The following MFHAS1 variants were observed in gnomAD, a reference collection of about 807,000 sequenced individuals.
The protein encoded by MFHAS1 is malignant fibrous histiocytoma-amplified sequence 1.
MFHAS1 carries 50 observed loss-of-function variants against 70.4 expected under a neutral mutation model. The observed-to-expected ratio is 0.71, with a 90% CI of 0.57 to 0.90. MFHAS1 has a LOEUF of 0.90. Ranked by LOEUF, MFHAS1 falls within the 40% of genes least tolerant of loss-of-function variation. MFHAS1 has a pLI of 0.00. For synonymous variants in MFHAS1, 952 were observed against 620.0 expected (o/e 1.54, Z -7.96); for missense variants, 1,795 against 1,347.6 (o/e 1.33, Z -5.20).
intron 1 of MFHAS1, among the ~76,000 whole-genome samples, chr8:8,843,217 C>A (rs1807903408): frequency 6.6e-6 from 1 of 150,492 alleles, no homozygotes; most frequent in Non-Finnish European, 1.5e-5. Context: ...TGCAGTGAGC[C>A]GAGATTGCGC....
chr8:8,878,098 G>A (rs567659783), intron 1 of MFHAS1, among the ~76,000 whole-genome samples: 17 of 152,208 alleles, frequency 1.1e-4, no homozygotes, highest in African/African-American at 2.9e-4. Context: ...ACCCCTGATG[G>A]CGCTCTCCCC....
chr8:8,852,441 C>T (rs985268699), intron 1 of MFHAS1, among the ~76,000 whole-genome samples: 2 of 151,532 alleles, frequency 1.3e-5, no homozygotes, highest in Admixed American at 6.6e-5. Context: ...GCCACTCCAG[C>T]GTAAGCAACA....
rs543364016 is a variant in MFHAS1 at position 8,888,571 on chromosome 8, G to A, written c.2998+1490C>T. On this transcript the variant is annotated intron_variant, in intron 1 of 2. Coordinates refer to ENST00000276282, the MANE Select transcript of MFHAS1 (RefSeq NM_004225.3). ...AGTTGTTTAAAGAACTACAAAGGAT[G>A]AGGAAATGGACACGTTCCCAACTAA... 3.9e-5 allele frequency among the ~76,000 whole-genome samples: 6 copies of A among 152,234 alleles called. No individual in the cohort carries two copies. In the East Asian group the frequency reaches 1.2e-3, roughly 29 times the overall value.
At position 8,879,860 on chromosome 8, in the gene MFHAS1, A is replaced by T. The variant is rs527368491; in HGVS notation, c.2998+10201T>A. 5.9e-5 allele frequency among the ~76,000 whole-genome samples: 9 copies of T among 152,314 alleles called. No individual in the cohort carries two copies. The East Asian group carries it at 1.5e-3, about 26-fold the overall frequency. ...ATTGACGACACTTATCTAATCTGGT[A>T]ATCATCTACATTTGTATCACTGCCA... is the stretch of plus-strand genomic sequence containing the variant. On this transcript the variant is annotated intron_variant, in intron 1 of 2. Coordinates refer to ENST00000276282, the MANE Select transcript of MFHAS1 (RefSeq NM_004225.3).
chr8:8,858,253 G>A (rs781393606), intron 1 of MFHAS1, among the ~76,000 whole-genome samples: 1 of 152,072 alleles, frequency 6.6e-6, no homozygotes, highest in Non-Finnish European at 1.5e-5. Flanking sequence ...ATTTTTATAT[G>A]CATTATTTTA....
At chr8:8,786,935 G>GCAAAACAAAA (rs368135873) in intron 2 of MFHAS1, among the ~76,000 whole-genome samples, 1 of 151,620 alleles carries the variant, frequency 6.6e-6, no homozygotes, top group African/African-American at 2.4e-5. Context: ...GCAAAGCAAA[G>GCAAAACAAAA]CAAAACAAAA....
chr8:8,813,748 G>A (rs890459605), intron 1 of MFHAS1, among the ~76,000 whole-genome samples: 19 of 152,072 alleles, frequency 1.2e-4, no homozygotes, highest in Non-Finnish European at 1.5e-4. Context: ...GTAAGCTAAG[G>A]TTAATTTACT....
At chr8:8,855,425 A>G (rs1231512161) in intron 1 of MFHAS1, among the ~76,000 whole-genome samples, 1 of 152,264 alleles carries the variant, frequency 6.6e-6, no homozygotes, top group East Asian at 1.9e-4. Context: ...TTTCAAGAAC[A>G]CAGGGAAGGA....
At chr8:8,876,175 C>G (rs1430606992) in intron 1 of MFHAS1, among the ~76,000 whole-genome samples, 1 of 152,128 alleles carries the variant, frequency 6.6e-6, no homozygotes, top group African/African-American at 2.4e-5. Context: ...AGTCACATAA[C>G]TAAGAAGCAG....
chr8:8,873,025 C>G (rs2116913047), intron 1 of MFHAS1, among the ~76,000 whole-genome samples: 1 of 152,236 alleles, frequency 6.6e-6, no homozygotes, highest in Non-Finnish European at 1.5e-5. Context: ...ACAGATGCAC[C>G]CTACAGGGCT....
At chr8:8,797,694 C>T (rs375575970) in intron 1 of MFHAS1, among the ~76,000 whole-genome samples, 2 of 152,140 alleles carry the variant, frequency 1.3e-5, no homozygotes, top group South Asian at 2.1e-4. Flanking sequence ...TCTGCGTCAC[C>T]GTGGAGAAAA....
At chr8:8,886,554 C>T (rs1809759908) in intron 1 of MFHAS1, among the ~76,000 whole-genome samples, 1 of 152,040 alleles carries the variant, frequency 6.6e-6, no homozygotes, top group Admixed American at 6.6e-5. Flanking sequence ...GCAGCTCAGG[C>T]CAGAAAATCC....
At chr8:8,863,062 T>C (rs1223085107) in intron 1 of MFHAS1, among the ~76,000 whole-genome samples, 11 of 152,224 alleles carry the variant, frequency 7.2e-5, no homozygotes, top group Non-Finnish European at 1.5e-5. Flanking sequence ...TTTTTATTAA[T>C]ACAATTATCT....
intron 1 of MFHAS1, among the ~76,000 whole-genome samples, chr8:8,845,420 A>T (rs1807996112): frequency 1.3e-5 from 2 of 152,224 alleles, no homozygotes; most frequent in South Asian, 4.1e-4. Context: ...GTGAAACCCA[A>T]GCCTGGGTGC....
chr8:8,856,284 C>T (rs991502959), intron 1 of MFHAS1, among the ~76,000 whole-genome samples: 1 of 152,228 alleles, frequency 6.6e-6, no homozygotes, highest in Non-Finnish European at 1.5e-5. Flanking sequence ...AGAGATCTGT[C>T]CCGAGCTCAC....
At chr8:8,824,567 A>ACC (rs869292300) in intron 1 of MFHAS1, among the ~76,000 whole-genome samples, 4 of 140,216 alleles carry the variant, frequency 2.9e-5, no homozygotes, top group Non-Finnish European at 6.1e-5. Flanking sequence ...ACACACACAC[A>ACC]CCCCTTTCTG....
chr8:8,836,073 G>A (rs1807583964), intron 1 of MFHAS1, among the ~76,000 whole-genome samples: 1 of 152,180 alleles, frequency 6.6e-6, no homozygotes. Flanking sequence ...TATATCTGTT[G>A]ACCTAAAACA....
chr8:8,857,170 T>C (rs78909395), intron 1 of MFHAS1, among the ~76,000 whole-genome samples: 1 of 152,078 alleles, frequency 6.6e-6, no homozygotes, highest in Non-Finnish European at 1.5e-5. Context: ...AAGAAGCCTA[T>C]CAATTCAAAG....
At chr8:8,795,329 A>G (rs1181859930) in intron 2 of MFHAS1, among the ~76,000 whole-genome samples, 1 of 152,180 alleles carries the variant, frequency 6.6e-6, no homozygotes, top group Admixed American at 6.5e-5. Flanking sequence ...AAACAATAAA[A>G]TTTCCGTTGT....
Sources: gnomAD v4.1 joint callset for allele counts (sites outside exome capture counted in the v4.1 genomes callset) on GRCh38, gnomAD v4.1.1 for gene constraint, MANE v1.5 for transcripts, NCBI Gene and HGNC (gene_info 2026-07-23, HGNC 2026-07-21) for gene names.